The following MRPL15 variants were observed in gnomAD, a reference collection of about 807,000 sequenced individuals.
MRPL15 encodes the protein mitochondrial ribosomal protein L15.
Under a neutral mutation model 28.0 loss-of-function variants are expected in MRPL15, and 24 were observed. The ratio of observed to expected loss-of-function variants is 0.86; its 90% CI spans 0.62 to 1.21. MRPL15 has a LOEUF of 1.21. Ranked by LOEUF, MRPL15 falls within the 50% of genes most tolerant of loss-of-function variation. The probability of loss-of-function intolerance (pLI) is 0.00; values close to 1 mark genes in which losing one functional copy is unlikely to be tolerated. For missense variants in MRPL15, 343 were observed against 372.4 expected (o/e 0.92, Z 0.65); for synonymous variants, 124 against 137.0 (o/e 0.90, Z 0.66).
chr8:54,135,473 C>T (rs1291012392), intron 1 of MRPL15, 82 bp downstream of exon 1: 1 of 1,174,130 alleles, frequency 8.5e-7, no homozygotes, highest in Non-Finnish European at 1.2e-6. Context: ...ATTAGGAGAA[C>T]TGCCCTTTCT....
In MRPL15 at chr8:54,136,678, T is replaced by C. The variant is rs1193896000; in HGVS notation, c.263+13T>C. The C allele has an allele frequency of 3.1e-6, 5 of 1,605,226 alleles. No individual in the cohort carries two copies. The highest frequency in any genetic ancestry group is 4.3e-6 in the Non-Finnish European group (5 of 1,175,124). Reference sequence around the variant, plus strand: ...ACGAAGGACATAGGTAAGGTTGCTTTGCTTTTTAAAGTACAGGTCCCCAAT... The same window carrying C: ...ACGAAGGACATAGGTAAGGTTGCTTCGCTTTTTAAAGTACAGGTCCCCAAT... On this transcript the variant is annotated intron_variant, in intron 2 of 4. Transcript: ENST00000260102.
rs1810840296 is a variant in MRPL15, at chr8:54,137,295, T to G, written c.291T>G (p.Ser97Arg). 1.2e-6 allele frequency: 2 copies of G among 1,613,830 alleles called. No individual in the cohort carries two copies. The highest frequency in any genetic ancestry group is 2.7e-5 in the African/African-American group (2 of 74,912). Residue 97 changes from serine (S) to arginine (R), a missense_variant, in exon 3 of 5, where the codon AGT (serine) becomes AGG (arginine). Ser to Arg is a moderately radical substitution (Grantham distance 110, BLOSUM62 -1). Transcript: ENST00000260102. ...HSFRRQYKPL[S>R]LNRLQYLIDL... ...TCAGACGCCAGTATAAGCCTTTGAG[T>G]CTCAATAGACTGCAGTATCTTATTG...
chr8:54,138,301 C>CTTTTTTTTTTT (rs71254537), intron 3 of MRPL15, among the ~76,000 whole-genome samples: 9 of 56,990 alleles, frequency 1.6e-4, no homozygotes, highest in African/African-American at 7.2e-4. Flanking sequence ...TCAGGAAGAT[C>CTTTTTTTTTTT]TTTTTTTTTT....
At chr8:54,138,301 C>CTT (rs71254537) in intron 3 of MRPL15, among the ~76,000 whole-genome samples, 2,496 of 56,996 alleles carry the variant, frequency 0.044, 544 homozygotes, top group African/African-American at 0.16. Context: ...TCAGGAAGAT[C>CTT]TTTTTTTTTT....
In MRPL15 at chr8:54,142,723, A is replaced by G. The variant is rs1335925839; in HGVS notation, c.490A>G (p.Ile164Val). Residue 164 changes from isoleucine to valine, a missense_variant, in exon 4 of 5, where the codon ATT becomes GTT. Physicochemically the swap from Ile to Val is conservative, Grantham distance 29. Coordinates refer to ENST00000260102, the MANE Select transcript of MRPL15 (RefSeq NM_014175.4). ...AGTACAGTTGGCTTCAGAACTAGCT[A>G]TTGCTGCCATTGAAAAAAATGGTGG... ...IEVQLASELA[I>V]AAIEKNGGVV... is the part of the protein sequence containing the mutation. The G allele has an allele frequency of 1.2e-6, 2 of 1,614,014 alleles. No individual in the cohort carries two copies. The highest frequency in any genetic ancestry group is 1.7e-5 in the Admixed American group (1 of 60,016).
chr8:54,140,591 T>TTTTTTTTTTTA (rs1810907461), intron 3 of MRPL15, among the ~76,000 whole-genome samples: 1 of 136,884 alleles, frequency 7.3e-6, no homozygotes, highest in African/African-American at 3.0e-5. Flanking sequence ...TTTTTTTTTT[T>TTTTTTTTTTTA]GAGATGGAGT....
At chr8:54,146,820 G>A (rs981000297) in intron 4 of MRPL15, among the ~76,000 whole-genome samples, 7 of 152,170 alleles carry the variant, frequency 4.6e-5, no homozygotes, top group Admixed American at 4.6e-4. Context: ...TTCAGAACAT[G>A]TGTCTCGGGT....
intron 4 of MRPL15, among the ~76,000 whole-genome samples, chr8:54,143,142 G>A (rs547171220): frequency 1.3e-5 from 2 of 151,818 alleles, no homozygotes; most frequent in African/African-American, 4.8e-5. Context: ...GTGCAGTGGC[G>A]CAATCTCTGC....
At chr8:54,147,205 C>A (rs1349059189) in intron 4 of MRPL15, among the ~76,000 whole-genome samples, 177 bp from the exon 5 acceptor site, 2 of 151,812 alleles carry the variant, frequency 1.3e-5, no homozygotes, top group Non-Finnish European at 2.9e-5. Context: ...GTACTCCAGT[C>A]TGGGCAACAA....
intron 1 of MRPL15, among the ~76,000 whole-genome samples, chr8:54,136,036 T>C (rs1810823127): frequency 2.6e-5 from 4 of 152,240 alleles, no homozygotes; most frequent in African/African-American, 9.6e-5. Context: ...TAGTTGACAA[T>C]GTACTGTCAT....
chr8:54,144,483 A>G (rs1247969777), intron 4 of MRPL15, among the ~76,000 whole-genome samples: 1 of 152,194 alleles, frequency 6.6e-6, no homozygotes, highest in East Asian at 1.9e-4. Context: ...AAAAATATTC[A>G]TCAAAGGCCG....
chr8:54,140,178 A>G (rs968473570), intron 3 of MRPL15, among the ~76,000 whole-genome samples: 1 of 152,212 alleles, frequency 6.6e-6, no homozygotes, highest in African/African-American at 2.4e-5. Flanking sequence ...CTTTGAAATT[A>G]GAGAAAAATA....
Position 54,142,691 on chromosome 8 carries a change from A to C in MRPL15, c.458A>C (p.Asn153Thr). ...EGADTFTAKVNIEVQLASELA... is the reference protein window; with the variant it reads ...EGADTFTAKVTIEVQLASELA... The stretch of plus-strand genomic sequence containing the variant: ...GCTGACACCTTTACGGCAAAAGTTA[A>C]TATTGAAGTACAGTTGGCTTCAGAA... Residue 153 changes from asparagine (N) to threonine (T), a missense_variant, in exon 4 of 5, where the codon AAT becomes ACT. By Grantham distance (65) the Asn-to-Thr change is moderately conservative. Coordinates refer to ENST00000260102, the MANE Select transcript of MRPL15 (RefSeq NM_014175.4). 1 of 1,614,134 alleles carries C rather than the reference A, an allele frequency of 6.2e-7. No individual in the cohort carries two copies. The highest frequency in any genetic ancestry group is 8.5e-7 in the Non-Finnish European group (1 of 1,180,012).
intron 1 of MRPL15, among the ~76,000 whole-genome samples, chr8:54,135,750 C>T (rs1391234655): frequency 2.0e-5 from 3 of 151,942 alleles, no homozygotes; most frequent in African/African-American, 7.3e-5. Context: ...GTTTTGAACT[C>T]CTGAGCTCGC....
chr8:54,147,330 G>A, intron 4 of MRPL15, 52 bp from the exon 5 acceptor site: 1 of 1,366,638 alleles, frequency 7.3e-7, no homozygotes, highest in South Asian at 1.3e-5. Flanking sequence ...CTCTAGGTAT[G>A]TCTATGAGCT....
intron 4 of MRPL15, among the ~76,000 whole-genome samples, chr8:54,146,995 G>A (rs1429399196): frequency 6.6e-6 from 1 of 152,194 alleles, no homozygotes; most frequent in African/African-American, 2.4e-5. Flanking sequence ...CACTTTGGGA[G>A]GCCCAGGTGG....
intron 3 of MRPL15, 49 bp downstream of exon 3, chr8:54,137,482 TAGAC>T: frequency 1.3e-6 from 2 of 1,559,082 alleles, no homozygotes; most frequent in Non-Finnish European, 1.8e-6. Flanking sequence ...ATTTTTTTTT[TAGAC>T]AGAGTCTTGC....
chr8:54,146,391 G>A (rs996346916), intron 4 of MRPL15, among the ~76,000 whole-genome samples: 1 of 151,210 alleles, frequency 6.6e-6, no homozygotes, highest in African/African-American at 2.4e-5. Context: ...AGGTTGCAGT[G>A]AGCCGAGATC....
intron 2 of MRPL15, 100 bp from the exon 3 acceptor site, chr8:54,137,164 TTAAA>T (rs1214479110): frequency 8.5e-6 from 10 of 1,180,728 alleles, no homozygotes; most frequent in African/African-American, 6.1e-5. Flanking sequence ...TTTTGTTTAG[TTAAA>T]TAAAATTGGT....
Sources: allele counts gnomAD v4.1 joint callset (sites outside exome capture counted in the v4.1 genomes callset), GRCh38; gene constraint gnomAD v4.1.1; transcripts MANE v1.5; gene names NCBI Gene and HGNC (gene_info 2026-07-23, HGNC 2026-07-21).